The following SLIT2 variants were observed in gnomAD, a reference collection of about 807,000 sequenced individuals.
SLIT2 encodes slit guidance ligand 2, also known as slit homolog 2 protein.
A neutral mutation model predicts 185.7 loss-of-function variants in SLIT2; 41 were observed. That is an observed-to-expected ratio of 0.22 (90% CI 0.17 to 0.29). SLIT2 has a LOEUF of 0.29. Among genes scored for constraint, SLIT2 ranks in the 10% least tolerant of loss-of-function variants. The pLI, the probability that SLIT2 is intolerant of heterozygous loss-of-function variation, is 1.00. For missense variants in SLIT2, 1,571 were observed against 1,909.0 expected (o/e 0.82, Z 3.30); for synonymous variants, 693 against 680.2 (o/e 1.02, Z -0.29).
chr4:20,320,746 A>G (rs1033603796), intron 4 of SLIT2, among the ~76,000 whole-genome samples: 2 of 152,160 alleles, frequency 1.3e-5, no homozygotes, highest in Non-Finnish European at 2.9e-5. Flanking sequence ...ACATTTTTGT[A>G]CAGGATGTAC....
intron 33 of SLIT2, among the ~76,000 whole-genome samples, chr4:20,598,868 C>A (rs1021923123): frequency 2.0e-5 from 3 of 152,134 alleles, no homozygotes; most frequent in Admixed American, 6.5e-5. Flanking sequence ...GTGTTCCCCA[C>A]GGGCCACACT....
At chr4:20,354,614 C>T (rs2109273154) in intron 4 of SLIT2, among the ~76,000 whole-genome samples, 1 of 152,202 alleles carries the variant, frequency 6.6e-6, no homozygotes, top group South Asian at 2.1e-4. Flanking sequence ...TTGGAGGTAC[C>T]TTGCATGGCT....
At chr4:20,442,407 C>A (rs1216373221) in intron 4 of SLIT2, among the ~76,000 whole-genome samples, 1 of 151,872 alleles carries the variant, frequency 6.6e-6, no homozygotes. Flanking sequence ...GCCTGTAGTC[C>A]CAGCTACTTG....
intron 4 of SLIT2, among the ~76,000 whole-genome samples, chr4:20,452,808 A>T (rs916708482): frequency 3.3e-5 from 5 of 152,022 alleles, no homozygotes; most frequent in African/African-American, 1.2e-4. Context: ...ATTGAGAAGC[A>T]CTCTCTGCTG....
chr4:20,458,274 A>G (rs901122683), intron 4 of SLIT2, among the ~76,000 whole-genome samples: 1 of 152,090 alleles, frequency 6.6e-6, no homozygotes, highest in African/African-American at 2.4e-5. Flanking sequence ...CAGAGAGTGT[A>G]TACACTCTTC....
At chr4:20,493,290 C>T (rs1015657693) in intron 9 of SLIT2, among the ~76,000 whole-genome samples, 7 of 152,174 alleles carry the variant, frequency 4.6e-5, no homozygotes, top group Non-Finnish European at 8.8e-5. Context: ...CTACAGATTA[C>T]TGAAGATGTT....
chr4:20,403,560 T>C (rs114230587), intron 4 of SLIT2, among the ~76,000 whole-genome samples: 56 of 152,018 alleles, frequency 3.7e-4, no homozygotes, highest in African/African-American at 1.3e-3. Context: ...ATTGGGGAAA[T>C]TGAATTGAGA....
chr4:20,500,751 T>A (rs1227054049), intron 9 of SLIT2, among the ~76,000 whole-genome samples: 1 of 152,176 alleles, frequency 6.6e-6, no homozygotes, highest in Non-Finnish European at 1.5e-5. Context: ...GTTTTGTTAG[T>A]TTTTAAAGTG....
At chr4:20,547,449 T>C (rs1723348175) in intron 22 of SLIT2, among the ~76,000 whole-genome samples, 1 of 152,158 alleles carries the variant, frequency 6.6e-6, no homozygotes, top group South Asian at 2.1e-4. Context: ...ATACAGATAC[T>C]TTTATTTTTA....
At chr4:20,537,083 T>G (rs1475583678) in intron 18 of SLIT2, among the ~76,000 whole-genome samples, 1 of 152,196 alleles carries the variant, frequency 6.6e-6, no homozygotes, top group Non-Finnish European at 1.5e-5. Context: ...TGAGGCTGTT[T>G]TATAGTTAAC....
chr4:20,458,571 G>A (rs1440136662), intron 4 of SLIT2, among the ~76,000 whole-genome samples: 1 of 152,142 alleles, frequency 6.6e-6, no homozygotes, highest in East Asian at 1.9e-4. Flanking sequence ...ATGTCCCTAG[G>A]TATTTTTTAT....
chr4:20,527,460 G>A (rs952943153), intron 15 of SLIT2, among the ~76,000 whole-genome samples: 4 of 152,038 alleles, frequency 2.6e-5, no homozygotes, highest in African/African-American at 9.7e-5. Flanking sequence ...CTAATTTTTT[G>A]TATTTTTACT....
At chr4:20,520,233 A>T (rs1253672189) in intron 12 of SLIT2, among the ~76,000 whole-genome samples, 1 of 152,156 alleles carries the variant, frequency 6.6e-6, no homozygotes, top group East Asian at 1.9e-4. Flanking sequence ...TAGACAATAG[A>T]TACTACTCAT....
intron 29 of SLIT2, among the ~76,000 whole-genome samples, chr4:20,575,599 C>A (rs963888482): frequency 2.5e-4 from 38 of 152,150 alleles, no homozygotes; most frequent in African/African-American, 9.2e-4. Flanking sequence ...GAGCCTGTCC[C>A]TTCTGCCTTG....
chr4:20,487,797 G>T lies in SLIT2; in HGVS notation c.612-1022G>T, dbSNP rs149665012. Among the ~76,000 whole-genome samples the T allele has an allele frequency of 6.7e-3, 1,017 of 152,238 alleles. 35 individuals are homozygous for T. The highest frequency in any genetic ancestry group is 0.057 in the Admixed American group (878 of 15,292). ...CAGCCATTTTACTTGAAATTCCTTTGCTTTGGTTGGGTCATTATTCTATAG... is the reference window on the plus strand; with the variant it reads ...CAGCCATTTTACTTGAAATTCCTTTTCTTTGGTTGGGTCATTATTCTATAG... On this transcript the variant is annotated intron_variant, in intron 7 of 36. Transcript: ENST00000504154.
intron 29 of SLIT2, among the ~76,000 whole-genome samples, chr4:20,583,883 AG>A (rs1726821535): frequency 6.6e-6 from 1 of 152,092 alleles, no homozygotes; most frequent in Admixed American, 6.6e-5. Flanking sequence ...ATGAAGCAGA[AG>A]GTAAGGCCAA....
At chr4:20,591,282 G>A (rs1727495408) in intron 30 of SLIT2, among the ~76,000 whole-genome samples, 1 of 152,168 alleles carries the variant, frequency 6.6e-6, no homozygotes, top group Admixed American at 6.5e-5. Context: ...GGATTGCTAA[G>A]ATATTTGTAC....
At chr4:20,402,949 C>G (rs1038976433) in intron 4 of SLIT2, among the ~76,000 whole-genome samples, 1 of 151,486 alleles carries the variant, frequency 6.6e-6, no homozygotes, top group African/African-American at 2.4e-5. Context: ...ATAAAATTCT[C>G]AAATTTCTCG....
rs182425981 is a variant in SLIT2, at chr4:20,568,851, C to T, written c.2949-14C>T. ...CAAAAAGATGTTTTTTGCCTTTTCT[C>T]CTCTGGCATTCAGGTGTATTTGTGC... is the stretch of plus-strand genomic sequence containing the variant. On this transcript the variant is annotated splice_polypyrimidine_tract_variant and intron_variant, in intron 28 of 36. Coordinates refer to ENST00000504154, the MANE Select transcript of SLIT2 (RefSeq NM_004787.4). 160 of 1,604,936 alleles carry T rather than the reference C, an allele frequency of 1.0e-4. No homozygotes were observed. The highest frequency in any genetic ancestry group is 1.3e-4 in the Non-Finnish European group (150 of 1,175,144).
Sources: gnomAD v4.1 joint callset for allele counts (sites outside exome capture counted in the v4.1 genomes callset) on GRCh38, gnomAD v4.1.1 for gene constraint, MANE v1.5 for transcripts, NCBI Gene and HGNC (gene_info 2026-07-23, HGNC 2026-07-21) for gene names.